Variants in PALLD observed in about 807,000 individuals in gnomAD.
The protein encoded by PALLD is palladin, cytoskeletal associated protein, also known as palladin.
Under a neutral mutation model 123.5 loss-of-function variants are expected in PALLD, and 61 were observed. That is an observed-to-expected ratio of 0.49 (90% confidence interval 0.40 to 0.61). The LOEUF (loss-of-function observed/expected upper bound fraction) is 0.61. PALLD is among the 20% of genes least tolerant of loss of function. The pLI, the probability that PALLD is intolerant of heterozygous loss-of-function variation, is 0.00. For synonymous variants in PALLD, 465 were observed against 496.4 expected (o/e 0.94, Z 0.84); for missense variants, 1,273 against 1,377.0 (o/e 0.92, Z 1.20).
At chr4:168,583,020 C>T (rs757595430) in intron 2 of PALLD, among the ~76,000 whole-genome samples, 50 of 152,270 alleles carry the variant, frequency 3.3e-4, no homozygotes, top group East Asian at 3.9e-4. Flanking sequence ...AAACAGCATA[C>T]TCATTATTAG....
chr4:168,796,881 A>C (rs1239141403), intron 10 of PALLD, among the ~76,000 whole-genome samples: 1 of 152,226 alleles, frequency 6.6e-6, no homozygotes, highest in Non-Finnish European at 1.5e-5. Context: ...TGTGAAGCTT[A>C]GCTAGAAGGA....
chr4:168,623,462 G>A (rs765346950), intron 2 of PALLD, among the ~76,000 whole-genome samples: 1 of 152,204 alleles, frequency 6.6e-6, no homozygotes, highest in South Asian at 2.1e-4. Context: ...AAGCACCAGG[G>A]AAAAATTATT....
rs544786304 is a variant in PALLD, at chr4:168,814,544, C to G, written c.1965-76378C>G. The stretch of plus-strand genomic sequence containing the variant: ...GATGTGGAAAATAAGGTTCATAGGA[C>G]GAAATTACTTCCTCAAAAGCGACAT... On this transcript the variant is annotated intron_variant, in intron 10 of 21. Coordinates refer to ENST00000505667, the MANE Select transcript of PALLD (RefSeq NM_001166108.2). 6.6e-5 allele frequency among the ~76,000 whole-genome samples: 10 copies of G among 152,162 alleles called. No homozygotes were observed. The East Asian group carries it at 1.9e-3, about 29-fold the overall frequency.
chr4:168,921,333 G>A (rs1473992412), intron 17 of PALLD, among the ~76,000 whole-genome samples: 1 of 149,288 alleles, frequency 6.7e-6, no homozygotes, highest in African/African-American at 2.5e-5. Context: ...CTTGAACCCG[G>A]GAGGCAGAGG....
intron 2 of PALLD, among the ~76,000 whole-genome samples, chr4:168,644,157 T>C (rs951518200): frequency 6.6e-6 from 1 of 151,608 alleles, no homozygotes; most frequent in Non-Finnish European, 1.5e-5. Context: ...GGTGCAATCT[T>C]GGCTCTCTGC....
chr4:168,880,792 C>G (rs1183887465), intron 10 of PALLD, among the ~76,000 whole-genome samples: 1 of 152,168 alleles, frequency 6.6e-6, no homozygotes, highest in Non-Finnish European at 1.5e-5. Context: ...TATCAAGTAC[C>G]AACAAATTGG....
At chr4:168,786,602 C>T (rs12501871) in intron 10 of PALLD, among the ~76,000 whole-genome samples, 28,044 of 151,920 alleles carry the variant, frequency 0.18, 3,326 homozygotes, top group East Asian at 0.46. Context: ...TGCAGGAGGT[C>T]GAGGCTGCAG....
At position 168,760,330 on chromosome 4, in the gene PALLD, A is replaced by G. The variant is rs199666744; in HGVS notation, c.1964+48407A>G. Among the ~76,000 whole-genome samples the G allele has an allele frequency of 5.0e-3, 359 of 72,232 alleles. 3 individuals are homozygous for G. Among genetic ancestry groups the G allele is most frequent in the African/African-American group, 0.018 (337 of 18,584 alleles). The allele number at this position is 72,232 out of a possible 152,430, so 47.4% of individuals were successfully genotyped here. A position where few individuals can be genotyped will look rare whatever the true frequency, so the allele number is the denominator to read the frequency against. On this transcript the variant is annotated intron_variant, in intron 10 of 21. Coordinates refer to ENST00000505667, the MANE Select transcript of PALLD (RefSeq NM_001166108.2). The stretch of plus-strand genomic sequence containing the variant: ...CCCGGCTCTGGCAGTGGGTGCGGGG[A>G]GGCCTCAACACAGCCAGCCCCTTGG...
intron 3 of PALLD, among the ~76,000 whole-genome samples, chr4:168,672,767 T>C (rs1354512107): frequency 6.6e-6 from 1 of 152,160 alleles, no homozygotes; most frequent in Admixed American, 6.5e-5. Context: ...CAAGATGAAC[T>C]TTTTTAACAG....
chr4:168,543,016 G>T (rs994673079), intron 2 of PALLD, among the ~76,000 whole-genome samples: 4 of 151,780 alleles, frequency 2.6e-5, no homozygotes, highest in African/African-American at 9.7e-5. Context: ...AAGATTTTGT[G>T]CCACTCTCCT....
chr4:168,576,524 A>G (rs866250255), intron 2 of PALLD, among the ~76,000 whole-genome samples: 1 of 152,028 alleles, frequency 6.6e-6, no homozygotes, highest in African/African-American at 2.4e-5. Flanking sequence ...GCTGAGAATG[A>G]TGGTTTCCAG....
intron 12 of PALLD, 134 bp downstream of exon 12, chr4:168,894,811 A>C: frequency 1.5e-4 from 210 of 1,436,070 alleles, no homozygotes; most frequent in Non-Finnish European, 1.8e-4. Context: ...TATTAATATC[A>C]TCAGTCAACC....
At position 168,529,339 on chromosome 4, in the gene PALLD, G is replaced by GA. The variant is rs1209143641; in HGVS notation, c.908+16941dup. 6.1e-3 allele frequency among the ~76,000 whole-genome samples: 850 copies of GA among 139,392 alleles called. 7 individuals are homozygous for GA. Among genetic ancestry groups the GA allele is most frequent in the African/African-American group, 0.014 (525 of 38,022 alleles). 91.4% of individuals were successfully genotyped at this position (139,392 alleles called of 152,430 possible). On this transcript the variant is annotated intron_variant, in intron 2 of 21. Transcript: ENST00000505667. ...GCAACAGAGCCAAACTCTGTCTCGA[G>GA]AAAAAAAAAAAAAATGTGTTTTTCT...
At chr4:168,782,353 G>GA (rs1736045370) in intron 10 of PALLD, among the ~76,000 whole-genome samples, 1 of 152,162 alleles carries the variant, frequency 6.6e-6, no homozygotes, top group African/African-American at 2.4e-5. Flanking sequence ...AAAATAGGCA[G>GA]ATAGTGTCTA....
At chr4:168,689,644 C>T (rs1448370611) in intron 6 of PALLD, among the ~76,000 whole-genome samples, 2 of 151,642 alleles carry the variant, frequency 1.3e-5, no homozygotes, top group South Asian at 2.1e-4. Flanking sequence ...GACAGGATTT[C>T]GCCATGTTGG....
chr4:168,911,908 T>C (rs1759044301), intron 15 of PALLD, among the ~76,000 whole-genome samples: 1 of 152,110 alleles, frequency 6.6e-6, no homozygotes, highest in Non-Finnish European at 1.5e-5. Flanking sequence ...ATAAAACTAG[T>C]TATGTTTGTT....
chr4:168,651,577 C>CT (rs1022725699), intron 2 of PALLD, among the ~76,000 whole-genome samples: 58 of 151,564 alleles, frequency 3.8e-4, no homozygotes, highest in Admixed American at 6.6e-4. Context: ...AGATGGAACT[C>CT]TTTTTTTTTC....
intron 2 of PALLD, among the ~76,000 whole-genome samples, chr4:168,603,070 A>G (rs2149732753): frequency 6.6e-6 from 1 of 152,294 alleles, no homozygotes; most frequent in Non-Finnish European, 1.5e-5. Flanking sequence ...CCTGGCCCTG[A>G]ATGTATTAAA....
At chr4:168,913,009 T>A (rs1302678107) in intron 15 of PALLD, among the ~76,000 whole-genome samples, 3 of 152,182 alleles carry the variant, frequency 2.0e-5, no homozygotes, top group Non-Finnish European at 4.4e-5. Flanking sequence ...TCAAATATGT[T>A]CATTTCATGA....
Sources: gnomAD v4.1 joint callset for allele counts (sites outside exome capture counted in the v4.1 genomes callset) on GRCh38, gnomAD v4.1.1 for gene constraint, MANE v1.5 for transcripts, NCBI Gene and HGNC (gene_info 2026-07-23, HGNC 2026-07-21) for gene names.